The following MYO5B variants were observed in gnomAD, a reference collection of about 807,000 sequenced individuals.
MYO5B encodes the protein myosin VB, also known as unconventional myosin-Vb.
A neutral mutation model predicts 229.3 loss-of-function variants in MYO5B; 143 were observed. The observed-to-expected ratio is 0.62, with a 90% CI of 0.54 to 0.72. MYO5B has a LOEUF of 0.72. Ranked by LOEUF, MYO5B falls within the 30% of genes least tolerant of loss-of-function variation. MYO5B has a pLI of 0.00. For missense variants in MYO5B, 2,321 were observed against 2,331.0 expected (o/e 1.00, Z 0.09); for synonymous variants, 918 against 885.2 (o/e 1.04, Z -0.66).
Position 49,902,769 on chromosome 18 carries a change from T to G in MYO5B, c.2636A>C (p.His879Pro). 6.2e-7 allele frequency: 1 copy of G among 1,605,316 alleles called. No homozygotes were observed. The highest frequency in any genetic ancestry group is 8.5e-7 in the Non-Finnish European group (1 of 1,179,966). ...GGCTGCATCCCGCAGCCGCTGGAAG[T>G]GCCTGCGTGCCATCCAGCCCCGCAC... is the stretch of plus-strand genomic sequence containing the variant. ...KHVRGWMARR[H>P]FQRLRDAAIV... is the part of the protein sequence containing the mutation. The change falls in exon 21 of 40, where the codon CAC becomes CCC. Residue 879 changes from histidine to proline, a missense_variant. Coordinates refer to ENST00000285039, the MANE Select transcript of MYO5B (RefSeq NM_001080467.3).
intron 1 of MYO5B, among the ~76,000 whole-genome samples, chr18:50,177,032 G>A (rs1476057477): frequency 6.6e-6 from 1 of 152,178 alleles, no homozygotes; most frequent in Non-Finnish European, 1.5e-5. Flanking sequence ...GAGATAATGA[G>A]CATTGAGCTT....
chr18:50,017,978 G>C (rs985223389), intron 4 of MYO5B, among the ~76,000 whole-genome samples: 1 of 152,132 alleles, frequency 6.6e-6, no homozygotes, highest in African/African-American at 2.4e-5. Context: ...TGATTATTTG[G>C]GTAGTTGTTT....
intron 39 of MYO5B, among the ~76,000 whole-genome samples, chr18:49,834,522 G>A (rs1021615370): frequency 6.6e-6 from 1 of 152,166 alleles, no homozygotes; most frequent in Non-Finnish European, 1.5e-5. Context: ...ATCACCTTGG[G>A]CTCAGCTTAA....
At chr18:50,017,553 C>T (rs1375132010) in intron 4 of MYO5B, among the ~76,000 whole-genome samples, 1 of 152,170 alleles carries the variant, frequency 6.6e-6, no homozygotes, top group Non-Finnish European at 1.5e-5. Context: ...AGCTGATAGA[C>T]ATTTGGGTTG....
At chr18:50,172,598 C>T (rs1456825174) in intron 1 of MYO5B, among the ~76,000 whole-genome samples, 6 of 152,228 alleles carry the variant, frequency 3.9e-5, no homozygotes, top group African/African-American at 1.4e-4. Context: ...CAGCATTACC[C>T]TATAAAGTGA....
intron 1 of MYO5B, among the ~76,000 whole-genome samples, chr18:50,173,370 C>T (rs903914448): frequency 6.6e-6 from 1 of 151,496 alleles, no homozygotes; most frequent in Non-Finnish European, 1.5e-5. Flanking sequence ...GCCCAGATTA[C>T]AGGAGGCCTC....
At chr18:49,847,390 G>C in intron 32 of MYO5B, 101 bp from the exon 33 acceptor site, 1 of 1,437,526 alleles carries the variant, frequency 7.0e-7, no homozygotes, top group Admixed American at 1.9e-5. Flanking sequence ...CTGGGGCAGG[G>C]GAAGGGGCAT....
chr18:50,098,032 A>G (rs1456870625), intron 1 of MYO5B, among the ~76,000 whole-genome samples: 1 of 152,218 alleles, frequency 6.6e-6, no homozygotes, highest in African/African-American at 2.4e-5. Context: ...AGAATGACCA[A>G]CTTCTCACAC....
intron 2 of MYO5B, among the ~76,000 whole-genome samples, chr18:50,049,205 T>C (rs963518428): frequency 6.6e-6 from 1 of 152,168 alleles, no homozygotes; most frequent in East Asian, 1.9e-4. Context: ...ATAAGTTGGA[T>C]GGAAAACTTC....
At chr18:49,947,382 G>C (rs960900666) in intron 14 of MYO5B, among the ~76,000 whole-genome samples, 1 of 152,156 alleles carries the variant, frequency 6.6e-6, no homozygotes, top group East Asian at 1.9e-4. Context: ...TGGGATTACA[G>C]GCGTGAGCCA....
At chr18:50,030,833 C>T (rs1237002215) in intron 4 of MYO5B, among the ~76,000 whole-genome samples, 5 of 121,140 alleles carry the variant, frequency 4.1e-5, no homozygotes, top group Non-Finnish European at 8.0e-5. Context: ...CCTTGGTTAC[C>T]TGAGCAAATA....
chr18:49,904,462 T>C (rs2024876905), intron 20 of MYO5B, among the ~76,000 whole-genome samples: 1 of 152,232 alleles, frequency 6.6e-6, no homozygotes, highest in South Asian at 2.1e-4. Flanking sequence ...CCTCAGATAT[T>C]GTTATAGCAA....
At chr18:50,189,929 G>T (rs546854905) in intron 1 of MYO5B, among the ~76,000 whole-genome samples, 10 of 152,228 alleles carry the variant, frequency 6.6e-5, no homozygotes, top group Non-Finnish European at 1.5e-4. Flanking sequence ...AGGCTCCTGG[G>T]TGCAAAGCTG....
At chr18:50,096,374 G>A (rs994327328) in intron 1 of MYO5B, among the ~76,000 whole-genome samples, 5 of 152,004 alleles carry the variant, frequency 3.3e-5, no homozygotes, top group African/African-American at 4.8e-5. Flanking sequence ...TCTGACTCAA[G>A]TGTTTGCTCT....
Position 50,093,020 on chromosome 18 carries a change from T to A in MYO5B, c.28-37642A>T, listed in dbSNP as rs112525513. Among the ~76,000 whole-genome samples the A allele has an allele frequency of 8.1e-3, 1,234 of 152,260 alleles. 17 individuals carry two copies. The highest frequency in any genetic ancestry group is 0.028 in the African/African-American group (1,170 of 41,548). ...CATGCAGAGAAACTTTCAATATCTA[T>A]TATTCTCAAAGCTATCAAATCAGTA... is the stretch of plus-strand genomic sequence containing the variant. On this transcript the variant is annotated intron_variant, in intron 1 of 39. Coordinates refer to ENST00000285039, the MANE Select transcript of MYO5B (RefSeq NM_001080467.3).
At position 50,011,321 on chromosome 18, in the gene MYO5B, G is replaced by A. The variant is rs185033084; in HGVS notation, c.456-9910C>T. Among the ~76,000 whole-genome samples, 506 of 152,252 alleles carry A rather than the reference G, an allele frequency of 3.3e-3. 2 individuals carry two copies. Among genetic ancestry groups the A allele is most frequent in the African/African-American group, 0.011 (472 of 41,536 alleles). On this transcript the variant is annotated intron_variant, in intron 4 of 39. Transcript: ENST00000285039. ...CGTGCCACTGCACTCCAGCCTGGGC[G>A]ACAGATCGTTCCTCACTTCTCCAGG...
intron 1 of MYO5B, among the ~76,000 whole-genome samples, chr18:50,192,075 G>A (rs1448669295): frequency 8.0e-5 from 12 of 149,128 alleles, no homozygotes; most frequent in South Asian, 2.1e-4. Flanking sequence ...CCATTTGAGA[G>A]AAAAAAAAAA....
At chr18:50,173,073 G>A (rs1336454623) in intron 1 of MYO5B, among the ~76,000 whole-genome samples, 1 of 152,116 alleles carries the variant, frequency 6.6e-6, no homozygotes, top group South Asian at 2.1e-4. Context: ...AGACCAGCCT[G>A]GCCAACACGG....
At chr18:49,907,112 T>C (rs1467479837) in intron 18 of MYO5B, among the ~76,000 whole-genome samples, 1 of 151,908 alleles carries the variant, frequency 6.6e-6, no homozygotes, top group Admixed American at 6.6e-5. Flanking sequence ...TGTCCAGTGG[T>C]GCAACTGCTG....
Sources: gnomAD v4.1 joint callset for allele counts (sites outside exome capture counted in the v4.1 genomes callset) on GRCh38, gnomAD v4.1.1 for gene constraint, MANE v1.5 for transcripts, NCBI Gene and HGNC (gene_info 2026-07-23, HGNC 2026-07-21) for gene names.